GPC5: variants seen among roughly 807,000 people sequenced by gnomAD.
GPC5 encodes the protein glypican 5, also known as glypican-5.
GPC5 carries 47 observed loss-of-function variants against 53.9 expected under a neutral mutation model. The observed-to-expected ratio is 0.87, with a 90% CI of 0.69 to 1.11. GPC5 has a LOEUF of 1.11. Among genes scored for constraint, GPC5 ranks in the 50% most tolerant of loss-of-function variants. The pLI is 0.00. For synonymous variants in GPC5, 286 were observed against 263.3 expected (o/e 1.09, Z -0.84); for missense variants, 748 against 713.1 (o/e 1.05, Z -0.56).
chr13:92,753,037 G>A lies in GPC5; in HGVS notation c.1562-113245G>A, dbSNP rs545625614. Among the ~76,000 whole-genome samples the A allele has an allele frequency of 4.6e-5, 7 of 152,332 alleles. No individual in the cohort carries two copies. The South Asian group carries it at 1.0e-3, about 23-fold the overall frequency. On this transcript the variant is annotated intron_variant, in intron 7 of 7. Transcript: ENST00000377067. ...TCTGTAGGCTCCACCTCTGGGGGCA[G>A]GGCACAGACAAACAAAAAGACAGCA... is the stretch of plus-strand genomic sequence containing the variant.
chr13:92,627,224 A>G (rs952743051), intron 7 of GPC5, among the ~76,000 whole-genome samples: 2 of 152,242 alleles, frequency 1.3e-5, no homozygotes, highest in East Asian at 3.8e-4. Flanking sequence ...GATTGGTTCC[A>G]GAAAGCAGGT....
chr13:92,132,120 A>G (rs2041749308), intron 6 of GPC5, among the ~76,000 whole-genome samples: 1 of 152,172 alleles, frequency 6.6e-6, no homozygotes, highest in South Asian at 2.1e-4. Flanking sequence ...TGTCACAAAT[A>G]TGCTTGTATT....
intron 3 of GPC5, among the ~76,000 whole-genome samples, chr13:91,706,175 G>C (rs1459797089): frequency 6.6e-6 from 1 of 151,452 alleles, no homozygotes; most frequent in African/African-American, 2.4e-5. Context: ...CACCGCACCT[G>C]GCCCTAGCTA....
At chr13:91,832,381 C>A in intron 5 of GPC5, among the ~76,000 whole-genome samples, 1 of 144,520 alleles carries the variant, frequency 6.9e-6, no homozygotes, top group Non-Finnish European at 1.5e-5. Context: ...TGTGTTTTTG[C>A]ATGTGAGATG....
chr13:92,814,389 G>A (rs1313290761), intron 7 of GPC5, among the ~76,000 whole-genome samples: 1 of 151,946 alleles, frequency 6.6e-6, no homozygotes, highest in African/African-American at 2.4e-5. Context: ...GGCTGGGCAT[G>A]GTGTCTCATG....
At chr13:91,749,971 G>A (rs938930948) in intron 4 of GPC5, among the ~76,000 whole-genome samples, 14 of 152,072 alleles carry the variant, frequency 9.2e-5, no homozygotes, top group East Asian at 1.9e-4. Flanking sequence ...CACCAAGCCC[G>A]GCTAATTTTT....
chr13:92,794,536 C>A (rs917571365), intron 7 of GPC5, among the ~76,000 whole-genome samples: 1 of 152,030 alleles, frequency 6.6e-6, no homozygotes, highest in Non-Finnish European at 1.5e-5. Context: ...CTGGCCAGGG[C>A]AATCAGGCAA....
intron 7 of GPC5, among the ~76,000 whole-genome samples, chr13:92,792,608 T>C (rs1876504609): frequency 6.6e-6 from 1 of 151,936 alleles, no homozygotes; most frequent in Non-Finnish European, 1.5e-5. Flanking sequence ...AACTGGATAG[T>C]CAAGACCCAT....
chr13:91,814,810 A>T (rs1397217875), intron 5 of GPC5, among the ~76,000 whole-genome samples: 2 of 152,006 alleles, frequency 1.3e-5, no homozygotes, highest in Non-Finnish European at 2.9e-5. Context: ...CAAAGTACTG[A>T]GATTACAGGC....
intron 2 of GPC5, among the ~76,000 whole-genome samples, chr13:91,690,666 A>G (rs2035738705): frequency 6.6e-6 from 1 of 152,220 alleles, no homozygotes; most frequent in South Asian, 2.1e-4. Context: ...AATTGGGCTG[A>G]AATTTATAAA....
At chr13:92,192,428 C>G (rs576760234) in intron 7 of GPC5, among the ~76,000 whole-genome samples, 6 of 152,022 alleles carry the variant, frequency 3.9e-5, no homozygotes, top group Non-Finnish European at 5.9e-5. Flanking sequence ...ACATATGGAG[C>G]TCATTTTTCA....
At chr13:92,163,896 T>C (rs113094013) in intron 7 of GPC5, among the ~76,000 whole-genome samples, 7,673 of 152,154 alleles carry the variant, frequency 0.05, 462 homozygotes, top group African/African-American at 0.14. Context: ...CTAGAGAGGC[T>C]TCAGGAAACT....
intron 7 of GPC5, among the ~76,000 whole-genome samples, chr13:92,724,875 TAC>T (rs58824655): frequency 0.024 from 3,310 of 137,598 alleles, 47 homozygotes; most frequent in African/African-American, 0.042. Context: ...GTCCTACACA[TAC>T]ACACACACAC....
intron 6 of GPC5, among the ~76,000 whole-genome samples, chr13:91,917,162 G>A (rs1045023387): frequency 6.6e-6 from 1 of 152,142 alleles, no homozygotes; most frequent in African/African-American, 2.4e-5. Context: ...TACAATGGGG[G>A]TACAGGCATT....
intron 6 of GPC5, among the ~76,000 whole-genome samples, chr13:92,012,436 T>C (rs2040670067): frequency 6.6e-6 from 1 of 152,186 alleles, no homozygotes. Flanking sequence ...AAAAAAGAAT[T>C]TCTTCTTGCA....
At chr13:92,063,940 C>T (rs1364222092) in intron 6 of GPC5, among the ~76,000 whole-genome samples, 2 of 152,200 alleles carry the variant, frequency 1.3e-5, no homozygotes, top group East Asian at 3.9e-4. Context: ...TTACAAGTGA[C>T]ACTTTTGTTC....
chr13:91,617,618 C>T (rs984537368), intron 2 of GPC5, among the ~76,000 whole-genome samples: 4 of 152,068 alleles, frequency 2.6e-5, no homozygotes, highest in African/African-American at 4.8e-5. Flanking sequence ...TATGACAAAG[C>T]AATCCCTCCC....
At chr13:91,528,700 C>T (rs961677407) in intron 2 of GPC5, among the ~76,000 whole-genome samples, 3 of 152,130 alleles carry the variant, frequency 2.0e-5, no homozygotes, top group Admixed American at 6.5e-5. Context: ...CTATAAAGAA[C>T]CCCCTGAGAG....
intron 2 of GPC5, among the ~76,000 whole-genome samples, chr13:91,676,777 G>C (rs2035393933): frequency 6.6e-6 from 1 of 152,110 alleles, no homozygotes; most frequent in South Asian, 2.1e-4. Flanking sequence ...AAACTACCAA[G>C]CTAGCTTTAA....
Sources: allele counts gnomAD v4.1 joint callset (sites outside exome capture counted in the v4.1 genomes callset), GRCh38; gene constraint gnomAD v4.1.1; transcripts MANE v1.5; gene names NCBI Gene and HGNC (gene_info 2026-07-23, HGNC 2026-07-21).